MEIKIN: variants seen among roughly 807,000 people sequenced by gnomAD.
MEIKIN encodes the protein meiotic kinetochore factor.
intron 11 of MEIKIN, among the ~76,000 whole-genome samples, chr5:131,823,538 T>C (rs1317875413): frequency 6.6e-6 from 1 of 152,060 alleles, no homozygotes; most frequent in Non-Finnish European, 1.5e-5. Context: ...TTGATTCTTT[T>C]GAAGTATTTG....
chr5:131,887,210 T>C lies in MEIKIN; in HGVS notation c.704-8162A>G, dbSNP rs950605746. ...TATTCCATGGGGTATATGTGCCACA[T>C]TTTCTTAATCCAGTCTATCATTGAT... is the stretch of plus-strand genomic sequence containing the variant. On this transcript the variant is annotated intron_variant, in intron 8 of 12. Transcript: ENST00000442687. 2.0e-5 allele frequency among the ~76,000 whole-genome samples: 3 copies of C among 152,114 alleles called. No homozygotes were observed. The East Asian group carries it at 5.8e-4, about 29-fold the overall frequency.
chr5:131,901,509 C>A (rs1405850499), intron 8 of MEIKIN, among the ~76,000 whole-genome samples: 1 of 152,128 alleles, frequency 6.6e-6, no homozygotes, highest in Admixed American at 6.5e-5. Flanking sequence ...CAAGTATGTA[C>A]CCTGCTGCAC....
intron 8 of MEIKIN, among the ~76,000 whole-genome samples, chr5:131,889,702 T>C (rs987962478): frequency 6.6e-5 from 10 of 152,236 alleles, no homozygotes; most frequent in Non-Finnish European, 1.0e-4. Context: ...ATACCGTTTA[T>C]TTCCTTCTTC....
chr5:131,857,381 G>A lies in MEIKIN; in HGVS notation c.775-2547C>T, dbSNP rs559622025. 1.4e-3 allele frequency among the ~76,000 whole-genome samples: 207 copies of A among 152,208 alleles called. 1 individual carries two copies. The highest frequency in any genetic ancestry group is 4.7e-3 in the African/African-American group (196 of 41,526). On this transcript the variant is annotated intron_variant, in intron 9 of 12. Transcript: ENST00000442687. ...AACACAGGTGGAGCAGGATGGCCAG[G>A]GATGCCCATCCTCCAAGGCTCGCCA...
chr5:131,820,425 G>A (rs1041334809), intron 11 of MEIKIN, among the ~76,000 whole-genome samples: 2 of 152,110 alleles, frequency 1.3e-5, no homozygotes, highest in Non-Finnish European at 2.9e-5. Flanking sequence ...AATTTGGTTT[G>A]CTACTATTTC....
At chr5:131,848,643 AG>A (rs1160878918) in intron 11 of MEIKIN, among the ~76,000 whole-genome samples, 1 of 152,206 alleles carries the variant, frequency 6.6e-6, no homozygotes, top group East Asian at 1.9e-4. Context: ...AAGAAGAGAA[AG>A]GAATGATTTG....
At chr5:131,928,643 A>C (rs910485883) in intron 5 of MEIKIN, among the ~76,000 whole-genome samples, 3 of 152,170 alleles carry the variant, frequency 2.0e-5, no homozygotes, top group African/African-American at 7.2e-5. Context: ...ACCAGAACTA[A>C]AAGTGATTTA....
At chr5:131,915,710 A>G (rs993469117) in intron 7 of MEIKIN, among the ~76,000 whole-genome samples, 3 of 152,222 alleles carry the variant, frequency 2.0e-5, no homozygotes, top group Admixed American at 6.5e-5. Context: ...CCAGAAGTAA[A>G]TGGATGACAG....
At chr5:131,817,935 A>T (rs1004542942) in intron 12 of MEIKIN, among the ~76,000 whole-genome samples, 1 of 152,228 alleles carries the variant, frequency 6.6e-6, no homozygotes, top group African/African-American at 2.4e-5. Flanking sequence ...TGGCTGAAGC[A>T]TAGTGAGGGG....
Position 131,864,483 on chromosome 5 carries a change from A to T in MEIKIN, c.775-9649T>A, listed in dbSNP as rs577752965. 4.6e-5 allele frequency among the ~76,000 whole-genome samples: 7 copies of T among 152,368 alleles called. No homozygotes were observed. In the South Asian group the frequency reaches 1.4e-3, roughly 32 times the overall value. Reference sequence around the variant, plus strand: ...TATTTCTCCTTCATTGGTGAAGAACAAATTTGCTGTATATAGTATCCTCGG... The same window carrying T: ...TATTTCTCCTTCATTGGTGAAGAACTAATTTGCTGTATATAGTATCCTCGG... On this transcript the variant is annotated intron_variant, in intron 9 of 12. Transcript: ENST00000442687.
intron 8 of MEIKIN, among the ~76,000 whole-genome samples, chr5:131,892,006 T>C: frequency 6.6e-6 from 1 of 152,130 alleles, no homozygotes; most frequent in Non-Finnish European, 1.5e-5. Flanking sequence ...AAATGCTGGG[T>C]TGAAAATTCT....
At chr5:131,877,800 T>C (rs1750642405) in intron 9 of MEIKIN, among the ~76,000 whole-genome samples, 1 of 152,244 alleles carries the variant, frequency 6.6e-6, no homozygotes, top group African/African-American at 2.4e-5. Flanking sequence ...CAGTTTTGTC[T>C]ACCACAGTTT....
At chr5:131,893,381 C>A (rs997191707) in intron 8 of MEIKIN, among the ~76,000 whole-genome samples, 2 of 152,220 alleles carry the variant, frequency 1.3e-5, no homozygotes, top group African/African-American at 4.8e-5. Context: ...GGCGTAGGAC[C>A]CTCTGAGCCA....
At chr5:131,834,699 T>C (rs146476919) in intron 11 of MEIKIN, among the ~76,000 whole-genome samples, 2 of 152,382 alleles carry the variant, frequency 1.3e-5, no homozygotes, top group Admixed American at 6.5e-5. Context: ...TCTTTATCCA[T>C]TAATCTGTCA....
chr5:131,843,604 T>A (rs1749957542), intron 11 of MEIKIN, among the ~76,000 whole-genome samples: 1 of 152,244 alleles, frequency 6.6e-6, no homozygotes, highest in Non-Finnish European at 1.5e-5. Flanking sequence ...GCTGCCAGTA[T>A]ATTTACTAAA....
chr5:131,852,277 T>C lies in MEIKIN; in HGVS notation c.856-894A>G, dbSNP rs1313737787. 3.3e-5 allele frequency among the ~76,000 whole-genome samples: 5 copies of C among 152,110 alleles called. No homozygotes were observed. In the East Asian group the frequency reaches 7.7e-4, roughly 23 times the overall value. ...GTTTTCCCGAGATCTGATGGTTTTA[T>C]AGGGTAGTTTTCCCTGCTCTTCCAT... On this transcript the variant is annotated intron_variant, in intron 10 of 12. Coordinates refer to ENST00000442687, the MANE Select transcript of MEIKIN (RefSeq NM_001303622.2).
At chr5:131,850,065 AAG>A (rs2149614633) in intron 11 of MEIKIN, among the ~76,000 whole-genome samples, 1 of 152,084 alleles carries the variant, frequency 6.6e-6, no homozygotes, top group African/African-American at 2.4e-5. Context: ...AACAAAAAAA[AAG>A]AAAATAAATT....
intron 9 of MEIKIN, among the ~76,000 whole-genome samples, chr5:131,870,199 G>A (rs1049449596): frequency 6.6e-6 from 1 of 151,976 alleles, no homozygotes; most frequent in African/African-American, 2.4e-5. Flanking sequence ...CAGCTATTAA[G>A]CACTCATAAT....
intron 7 of MEIKIN, among the ~76,000 whole-genome samples, chr5:131,914,194 C>A (rs1751375617): frequency 6.6e-6 from 1 of 151,886 alleles, no homozygotes; most frequent in Non-Finnish European, 1.5e-5. Context: ...GCAGCCTTGG[C>A]CTTAGAATTC....
Sources: gnomAD v4.1 joint callset for allele counts (sites outside exome capture counted in the v4.1 genomes callset) on GRCh38, gnomAD v4.1.1 for gene constraint, MANE v1.5 for transcripts, NCBI Gene and HGNC (gene_info 2026-07-23, HGNC 2026-07-21) for gene names.